The following VSIG10 variants were observed in gnomAD, a reference collection of about 807,000 sequenced individuals.
VSIG10 encodes V-set and immunoglobulin domain containing 10.
Under a neutral mutation model 58.7 loss-of-function variants are expected in VSIG10, and 48 were observed. The ratio of observed to expected loss-of-function variants is 0.82; its 90% CI spans 0.65 to 1.04. The LOEUF is 1.04. Ranked by LOEUF, VSIG10 falls within the 50% of genes least tolerant of loss-of-function variation. The pLI is 0.00. For missense variants in VSIG10, 628 were observed against 670.0 expected, an observed-to-expected ratio of 0.94 and a Z score of 0.69; for synonymous variants, 260 against 267.1, an observed-to-expected ratio of 0.97 and a Z score of 0.26.
chr12:118,070,979 A>T, intron 7 of VSIG10, 73 bp downstream of exon 7: 1 of 1,548,138 alleles, frequency 6.5e-7, no homozygotes, highest in Non-Finnish European at 8.8e-7. Flanking sequence ...GTTCTTGTGA[A>T]AGGAAGGGAA....
intron 2 of VSIG10, among the ~76,000 whole-genome samples, chr12:118,094,838 G>A (rs901007156): frequency 1.0e-4 from 15 of 149,454 alleles, no homozygotes; most frequent in African/African-American, 3.2e-4. Context: ...CCAGGTTCAA[G>A]CAATTCTCCT....
chr12:118,089,549 T>C (rs1233802807), intron 2 of VSIG10, among the ~76,000 whole-genome samples: 1 of 152,176 alleles, frequency 6.6e-6, no homozygotes, highest in African/African-American at 2.4e-5. Flanking sequence ...CAGCCAGCAC[T>C]TGCCCGTAGG....
At position 118,064,360 on chromosome 12, in the gene VSIG10, T is replaced by C. The variant is rs1397183030; in HGVS notation, c.*2279A>G. 1 of 151,822 alleles carries C rather than the reference T, an allele frequency of 6.6e-6. No individual in the cohort carries two copies. Among genetic ancestry groups the C allele is most frequent in the Non-Finnish European group, 1.5e-5 (1 of 67,996 alleles). The allele number at this position is 151,822 out of a possible 1,614,324, so 9.4% of individuals were successfully genotyped here. A position where few individuals can be genotyped will look rare whatever the true frequency, so the allele number is the denominator to read the frequency against. On this transcript the variant is annotated 3_prime_UTR_variant, in exon 9 of 9. Coordinates refer to ENST00000359236, the MANE Select transcript of VSIG10 (RefSeq NM_019086.6). ...CCCTCAAATATTTCCTATCAACAGA[T>C]GTGTGTGCTAGAGAAGAGGAAGTTG...
chr12:118,097,324 T>A (rs1302486961), intron 1 of VSIG10, among the ~76,000 whole-genome samples: 3 of 152,054 alleles, frequency 2.0e-5, no homozygotes, highest in African/African-American at 7.2e-5. Flanking sequence ...AAATCAAAAC[T>A]GCAATGAGGC....
intron 8 of VSIG10, 70 bp downstream of exon 8, chr12:118,068,307 T>C (rs1226799843): frequency 6.6e-6 from 10 of 1,523,860 alleles, no homozygotes; most frequent in Non-Finnish European, 8.9e-6. Flanking sequence ...AGTGCTGGGA[T>C]TATAGGCGTG....
Position 118,073,966 on chromosome 12 carries a change from T to C in VSIG10, c.952A>G (p.Met318Val), listed in dbSNP as rs757459093. 8 of 1,591,640 alleles carry C rather than the reference T, an allele frequency of 5.0e-6. No homozygotes were observed. In the East Asian group the frequency reaches 1.8e-4, roughly 36 times the overall value. Residue 318 changes from methionine (M) to valine (V), a missense_variant, in exon 5 of 9, where the codon ATG becomes GTG. Physicochemically the swap from Met to Val is conservative, Grantham distance 21 (BLOSUM62 1). Transcript: ENST00000359236. ...IRGPSLLSEP[M>V]KTCFTGGNVT... ...TTGCCCCCAGTGAAGCAAGTCTTCA[T>C]GGGCTCAGAGAGAAGGGAGGGACCC...
In VSIG10 at chr12:118,103,568, T is replaced by C. The variant is rs1184134668; in HGVS notation, c.79+25A>G. ...ACCGCTGACTGGGAAAACTCAACTT[T>C]TCCCTCCAGATCGCGGCCCCTTACC... On this transcript the variant is annotated intron_variant, in intron 1 of 8. Coordinates refer to ENST00000359236, the MANE Select transcript of VSIG10 (RefSeq NM_019086.6). 3.3e-6 allele frequency: 5 copies of C among 1,507,874 alleles called. No homozygotes were observed. In the African/African-American group the frequency reaches 7.2e-5, roughly 22 times the overall value. 93.4% of individuals were successfully genotyped at this position (1,507,874 alleles called of 1,614,324 possible). A position where few individuals can be genotyped will look rare whatever the true frequency, so the allele number is the denominator to read the frequency against.
At position 118,095,592 on chromosome 12, in the gene VSIG10, T is replaced by C; in HGVS notation, c.302A>G (p.Tyr101Cys). 6.2e-7 allele frequency: 1 copy of C among 1,613,872 alleles called. No homozygotes were observed. Among genetic ancestry groups the C allele is most frequent in the Non-Finnish European group, 8.5e-7 (1 of 1,179,870 alleles). Residue 101 changes from tyrosine (Y) to cysteine (C), a missense_variant, in exon 2 of 9, where the codon TAC becomes TGC. By Grantham distance (194) the Tyr-to-Cys change is radical. Transcript: ENST00000359236. ...ESLSLGDEGIYTCQEILNVTQ... is the reference protein window; with the variant it reads ...ESLSLGDEGICTCQEILNVTQ... ...CACATTCAGGATCTCCTGGCAGGTGTAGATTCCCTCATCTCCCAGGCTCAG... is the reference window on the plus strand; with the variant it reads ...CACATTCAGGATCTCCTGGCAGGTGCAGATTCCCTCATCTCCCAGGCTCAG...
At chr12:118,087,855 A>AAAAAAAAAAAG (rs766337791) in intron 2 of VSIG10, among the ~76,000 whole-genome samples, 6 of 131,242 alleles carry the variant, frequency 4.6e-5, no homozygotes, top group African/African-American at 1.6e-4. Flanking sequence ...AAAAAAAAAA[A>AAAAAAAAAAAG]AGAGAGAGAA....
At chr12:118,096,002 T>G (rs980412954) in intron 1 of VSIG10, among the ~76,000 whole-genome samples, 188 bp from the exon 2 acceptor site, 11 of 146,288 alleles carry the variant, frequency 7.5e-5, no homozygotes, top group African/African-American at 2.8e-4. Flanking sequence ...CTCGCCTAAC[T>G]GCAACCTCTG....
intron 2 of VSIG10, among the ~76,000 whole-genome samples, chr12:118,084,100 A>G (rs2033048910): frequency 6.6e-6 from 1 of 152,144 alleles, no homozygotes; most frequent in African/African-American, 2.4e-5. Flanking sequence ...AGCCTGGGTG[A>G]CACAATGAGA....
chr12:118,088,780 GTC>G (rs2033208144), intron 2 of VSIG10, among the ~76,000 whole-genome samples: 1 of 152,086 alleles, frequency 6.6e-6, no homozygotes, highest in African/African-American at 2.4e-5. Flanking sequence ...GGGTATCTGT[GTC>G]TGGTTTTCAC....
At chr12:118,096,787 C>T (rs144429711) in intron 1 of VSIG10, among the ~76,000 whole-genome samples, 10 of 151,940 alleles carry the variant, frequency 6.6e-5, no homozygotes, top group African/African-American at 2.4e-4. Flanking sequence ...GCCTGTAATC[C>T]CAGCACTTTG....
At chr12:118,074,057 C>T (rs1593499451) in intron 4 of VSIG10, 65 bp from the exon 5 acceptor site, 2 of 1,485,582 alleles carry the variant, frequency 1.3e-6, no homozygotes, top group Admixed American at 2.3e-5. Flanking sequence ...CTGAGATCTG[C>T]AGGAAAACTG....
In VSIG10 at chr12:118,083,114, C is replaced by CAA. The variant is rs61523301; in HGVS notation, c.362-687_362-686dup. On this transcript the variant is annotated intron_variant, in intron 2 of 8. Transcript: ENST00000359236. ...AGCAACACAGCAAGTCTCCGTCTCA[C>CAA]AAAAAAAAAAAAAAAAAAAAAAAAA... Among the ~76,000 whole-genome samples, 280 of 55,020 alleles carry CAA rather than the reference C, an allele frequency of 5.1e-3. 13 individuals are homozygous for CAA. Among genetic ancestry groups the CAA allele is most frequent in the Non-Finnish European group, 7.0e-3 (210 of 30,134 alleles). The allele number at this position is 55,020 out of a possible 152,430, so 36.1% of individuals were successfully genotyped here.
At chr12:118,075,487 C>A (rs1375306472) in intron 4 of VSIG10, among the ~76,000 whole-genome samples, 1 of 152,110 alleles carries the variant, frequency 6.6e-6, no homozygotes, top group African/African-American at 2.4e-5. Context: ...TCCCAAGTAG[C>A]TGGGATTACA....
intron 1 of VSIG10, among the ~76,000 whole-genome samples, chr12:118,099,040 C>G (rs549219656): frequency 3.3e-5 from 5 of 151,626 alleles, no homozygotes; most frequent in Non-Finnish European, 2.9e-5. Flanking sequence ...ATACCTGGCC[C>G]AGCATCTGTG....
At position 118,073,723 on chromosome 12, in the gene VSIG10, T is replaced by C. The variant is rs547137939; in HGVS notation, c.1195A>G (p.Met399Val). ...CCTTTCACACTCAGCCAGATTTCCA[T>C]CTCCCTCACCCCTACAGGGCTGTCA... ...RADSPVGVREMEIWLSVKEPL... is the reference protein window; with the variant it reads ...RADSPVGVREVEIWLSVKEPL... Residue 399 changes from methionine (M) to valine (V), a missense_variant, in exon 5 of 9, where the codon ATG becomes GTG. Met to Val is a conservative substitution (Grantham distance 21, BLOSUM62 1). Transcript: ENST00000359236. 2.7e-5 allele frequency: 44 copies of C among 1,611,164 alleles called. No homozygotes were observed. In the South Asian group the frequency reaches 4.2e-4, roughly 15 times the overall value.
chr12:118,083,743 C>CAG (rs903152117), intron 2 of VSIG10, among the ~76,000 whole-genome samples: 31 of 152,222 alleles, frequency 2.0e-4, no homozygotes, highest in African/African-American at 7.2e-4. Context: ...CTTGGACTCC[C>CAG]AGGTTCAAAT....
Sources: gnomAD v4.1 joint callset for allele counts (sites outside exome capture counted in the v4.1 genomes callset) on GRCh38, gnomAD v4.1.1 for gene constraint, MANE v1.5 for transcripts, NCBI Gene and HGNC (gene_info 2026-07-23, HGNC 2026-07-21) for gene names.